The following GLIS3 variants were observed in gnomAD, a reference collection of about 807,000 sequenced individuals.
The protein encoded by GLIS3 is zinc finger protein GLIS3.
A neutral mutation model predicts 78.6 loss-of-function variants in GLIS3; 53 were observed. That is an observed-to-expected ratio of 0.67 (90% CI 0.54 to 0.85). The LOEUF (loss-of-function observed/expected upper bound fraction) is 0.85. Among genes scored for constraint, GLIS3 ranks in the 40% least tolerant of loss-of-function variants. The pLI, the probability that GLIS3 is intolerant of heterozygous loss-of-function variation, is 0.00. For synonymous variants in GLIS3, 684 were observed against 509.9 expected (o/e 1.34, Z -4.60); for missense variants, 1,703 against 1,231.1 (o/e 1.38, Z -5.74).
At chr9:3,885,301 G>T (rs1248378725) in intron 7 of GLIS3, among the ~76,000 whole-genome samples, 1 of 152,132 alleles carries the variant, frequency 6.6e-6, no homozygotes, top group Non-Finnish European at 1.5e-5. Flanking sequence ...GGGCTGAAAG[G>T]CCACCAGTTG....
At chr9:4,472,025 A>G in the GLIS3 span, among the ~76,000 whole-genome samples, 1 of 152,268 alleles carries the variant, frequency 6.6e-6, no homozygotes, top group Admixed American at 6.5e-5. Flanking sequence ...ATCACTGGTC[A>G]TCAGAGAAAT....
chr9:4,304,553 T>C (rs1401724650), upstream of GLIS3, among the ~76,000 whole-genome samples: 2 of 152,018 alleles, frequency 1.3e-5, no homozygotes, highest in East Asian at 3.9e-4. Flanking sequence ...AATAAAAATA[T>C]ATACTAAATA....
intron 2 of GLIS3, among the ~76,000 whole-genome samples, chr9:4,177,251 A>G (rs926499680): frequency 2.0e-5 from 3 of 152,188 alleles, no homozygotes. Context: ...TGGTCTCTTC[A>G]TGACTCTGCC....
At chr9:4,066,886 C>T (rs1244470334) in intron 4 of GLIS3, among the ~76,000 whole-genome samples, 1 of 152,108 alleles carries the variant, frequency 6.6e-6, no homozygotes, top group East Asian at 1.9e-4. Flanking sequence ...AGTACCCCAG[C>T]GGGCATCTTT....
At chr9:3,949,732 A>C (rs1204840034) in intron 4 of GLIS3, among the ~76,000 whole-genome samples, 1 of 152,202 alleles carries the variant, frequency 6.6e-6, no homozygotes, top group East Asian at 1.9e-4. Flanking sequence ...CTTTTTTGGA[A>C]AAATAATAAA....
At chr9:4,438,297 A>G in the GLIS3 span, among the ~76,000 whole-genome samples, 5 of 152,218 alleles carry the variant, frequency 3.3e-5, no homozygotes, top group Non-Finnish European at 7.3e-5. Flanking sequence ...TTTTGTTTAC[A>G]TATGTAATAT....
chr9:4,138,896 A>T (rs1012518564), intron 2 of GLIS3, among the ~76,000 whole-genome samples: 1 of 152,170 alleles, frequency 6.6e-6, no homozygotes, highest in African/African-American at 2.4e-5. Context: ...AGGCACCCCA[A>T]AGAGCTACAG....
chr9:3,842,255 C>T (rs944960149), intron 9 of GLIS3, among the ~76,000 whole-genome samples: 3 of 152,060 alleles, frequency 2.0e-5, no homozygotes, highest in Non-Finnish European at 2.9e-5. Context: ...GGGTGGATCA[C>T]GAGGTCATGA....
At chr9:4,343,162 G>C (rs1427992637) in intron 2 of GLIS3, among the ~76,000 whole-genome samples, 1 of 124,852 alleles carries the variant, frequency 8.0e-6, no homozygotes, top group Non-Finnish European at 1.7e-5. Context: ...AACATAGCAA[G>C]ACCTCATCTC....
chr9:4,411,781 C>T, the GLIS3 span, among the ~76,000 whole-genome samples: 17 of 152,266 alleles, frequency 1.1e-4, no homozygotes, highest in African/African-American at 3.8e-4. Context: ...CAGTCTTATG[C>T]CGAAGTTTTT....
intron 4 of GLIS3, among the ~76,000 whole-genome samples, chr9:4,058,752 G>A (rs1208208029): frequency 3.9e-5 from 6 of 152,044 alleles, no homozygotes; most frequent in African/African-American, 9.7e-5. Context: ...AGGCCAAGGC[G>A]GGCGGATCAC....
In GLIS3 at chr9:4,175,148, A is replaced by T. The variant is rs540159927; in HGVS notation, c.389-49207T>A. ...TCTGAATGGTCTCTCTACATCCAAA[A>T]TTCTCCCTTGCTAACTGGACCTGAG... On this transcript the variant is annotated intron_variant, in intron 2 of 10. Transcript: ENST00000381971. Among the ~76,000 whole-genome samples, 21 of 152,280 alleles carry T rather than the reference A, an allele frequency of 1.4e-4. 1 individual carries two copies. Among genetic ancestry groups the T allele is most frequent in the African/African-American group, 4.8e-4 (20 of 41,554 alleles).
At chr9:4,056,854 A>G (rs947038368) in intron 4 of GLIS3, among the ~76,000 whole-genome samples, 1 of 151,762 alleles carries the variant, frequency 6.6e-6, no homozygotes, top group African/African-American at 2.4e-5. Flanking sequence ...TGCCCAAATA[A>G]GATCATCTTT....
the GLIS3 span, among the ~76,000 whole-genome samples, chr9:4,378,018 G>T: frequency 6.6e-6 from 1 of 152,118 alleles, no homozygotes; most frequent in Admixed American, 6.6e-5. Flanking sequence ...TGTGTATGAG[G>T]CTTAACTCCT....
At chr9:3,963,426 C>T (rs1382917985) in intron 4 of GLIS3, among the ~76,000 whole-genome samples, 1 of 152,160 alleles carries the variant, frequency 6.6e-6, no homozygotes, top group African/African-American at 2.4e-5. Context: ...CGCTTGTTCT[C>T]ATAAGACATT....
chr9:3,871,180 C>G (rs1820946774), intron 8 of GLIS3, among the ~76,000 whole-genome samples: 1 of 152,208 alleles, frequency 6.6e-6, no homozygotes, highest in Non-Finnish European at 1.5e-5. Context: ...AGGTGGGTTC[C>G]CATGGTCTTG....
At chr9:3,879,706 C>T in intron 7 of GLIS3, 111 bp from the exon 8 acceptor site, 2 of 1,115,594 alleles carry the variant, frequency 1.8e-6, no homozygotes, top group Admixed American at 2.1e-5. Context: ...GTTTTTCTCT[C>T]AGTGGTTTTC....
At chr9:4,323,876 G>T (rs1817569580) in intron 2 of GLIS3, among the ~76,000 whole-genome samples, 1 of 152,270 alleles carries the variant, frequency 6.6e-6, no homozygotes, top group African/African-American at 2.4e-5. Flanking sequence ...CTACTATTCA[G>T]TACATCTAAC....
At chr9:4,418,363 C>T in the GLIS3 span, among the ~76,000 whole-genome samples, 2 of 152,172 alleles carry the variant, frequency 1.3e-5, no homozygotes, top group African/African-American at 2.4e-5. Flanking sequence ...CACAACATTG[C>T]CCAAATGGGT....
Sources: allele counts gnomAD v4.1 joint callset (sites outside exome capture counted in the v4.1 genomes callset), GRCh38; gene constraint gnomAD v4.1.1; transcripts MANE v1.5; gene names NCBI Gene and HGNC (gene_info 2026-07-23, HGNC 2026-07-21).